The following CORO2B variants were observed in gnomAD, a reference collection of about 807,000 sequenced individuals.
CORO2B encodes coronin-2B.
CORO2B carries 26 observed loss-of-function variants against 58.8 expected under a neutral mutation model. The ratio of observed to expected loss-of-function variants is 0.44; its 90% CI spans 0.32 to 0.61. The LOEUF (loss-of-function observed/expected upper bound fraction) is 0.61. CORO2B is among the 20% of genes least tolerant of loss of function. The pLI, the probability that CORO2B is intolerant of heterozygous loss-of-function variation, is 0.04. For synonymous variants in CORO2B, 242 were observed against 253.8 expected, an observed-to-expected ratio of 0.95 and a Z score of 0.44; for missense variants, 460 against 645.1, an observed-to-expected ratio of 0.71 and a Z score of 3.11.
chr15:68,577,724 CAAAAAA>C (rs11389925), upstream of CORO2B, among the ~76,000 whole-genome samples: 4 of 108,830 alleles, frequency 3.7e-5, no homozygotes, highest in Non-Finnish European at 1.8e-5. Context: ...ACTCCGGTCT[CAAAAAA>C]AAAAAAAAAA....
chr15:68,608,372 C>A (rs1287639217), intron 1 of CORO2B, among the ~76,000 whole-genome samples: 1 of 152,222 alleles, frequency 6.6e-6, no homozygotes, highest in Admixed American at 6.5e-5. Flanking sequence ...CTCCCTCCCC[C>A]ACACTGTGGT....
intron 1 of CORO2B, among the ~76,000 whole-genome samples, chr15:68,607,176 G>A (rs146827174): frequency 6.6e-6 from 1 of 152,250 alleles, no homozygotes; most frequent in African/African-American, 2.4e-5. Flanking sequence ...GTCTCTGCTA[G>A]GAAGACCTAA....
At chr15:68,660,976 C>T (rs1226252658) in intron 2 of CORO2B, among the ~76,000 whole-genome samples, 1 of 147,220 alleles carries the variant, frequency 6.8e-6, no homozygotes, top group Non-Finnish European at 1.5e-5. Context: ...TGTAATGAGT[C>T]TTTTTTTTTT....
the CORO2B span, among the ~76,000 whole-genome samples, chr15:68,533,703 A>T: frequency 1.9e-4 from 29 of 152,376 alleles, no homozygotes; most frequent in African/African-American, 6.7e-4. Flanking sequence ...TTTAAAAATC[A>T]GTGTCTTAAA....
chr15:68,531,334 C>CGAAAAACAA, the CORO2B span, among the ~76,000 whole-genome samples: 1 of 151,128 alleles, frequency 6.6e-6, no homozygotes, highest in Admixed American at 6.6e-5. Context: ...TACAAAAATA[C>CGAAAAACAA]AAAAAACAAA....
the CORO2B span, among the ~76,000 whole-genome samples, chr15:68,569,155 T>G: frequency 6.6e-6 from 1 of 152,094 alleles, no homozygotes; most frequent in Non-Finnish European, 1.5e-5. Flanking sequence ...TCACCCAGAG[T>G]CCAGAGTTTA....
At chr15:68,615,970 G>A (rs1452943886) in intron 1 of CORO2B, among the ~76,000 whole-genome samples, 1 of 152,184 alleles carries the variant, frequency 6.6e-6, no homozygotes, top group Non-Finnish European at 1.5e-5. Context: ...GGTGGAGGAG[G>A]CTGCCGTTTA....
chr15:68,535,089 C>A, the CORO2B span, among the ~76,000 whole-genome samples: 1 of 152,132 alleles, frequency 6.6e-6, no homozygotes, highest in East Asian at 1.9e-4. Flanking sequence ...CACCATATCA[C>A]CACCTTATTT....
upstream of CORO2B, chr15:68,578,875 G>A (rs879689687): frequency 1.1e-5 from 4 of 348,154 alleles, no homozygotes; most frequent in Non-Finnish European, 1.6e-5. The surrounding 1 kb of genome is among the most constrained non-coding windows in gnomAD (Gnocchi z 4.2). Flanking sequence ...CTCGGGGCAC[G>A]GCCGCTGGCG....
chr15:68,655,842 G>A (rs891992506), intron 2 of CORO2B, among the ~76,000 whole-genome samples: 1 of 152,222 alleles, frequency 6.6e-6, no homozygotes, highest in Non-Finnish European at 1.5e-5. Flanking sequence ...ATCTGAGCCT[G>A]TAGCTTTGGA....
chr15:68,562,042 C>T, the CORO2B span, among the ~76,000 whole-genome samples: 4 of 152,138 alleles, frequency 2.6e-5, no homozygotes, highest in Admixed American at 6.5e-5. Flanking sequence ...AAGCTCCTAC[C>T]CAGTGGGTAC....
intron 1 of CORO2B, among the ~76,000 whole-genome samples, chr15:68,596,394 G>A (rs1207344521): frequency 2.6e-5 from 4 of 151,622 alleles, no homozygotes; most frequent in East Asian, 3.9e-4. Flanking sequence ...GGGATCCCCT[G>A]TGGAATGAAG....
chr15:68,531,555 GGAAA>G, the CORO2B span, among the ~76,000 whole-genome samples: 5 of 77,798 alleles, frequency 6.4e-5, no homozygotes, highest in African/African-American at 2.6e-4. Context: ...AAGGAAGGAA[GGAAA>G]GAAAGAGAAA....
chr15:68,578,011 C>A (rs1181682358), upstream of CORO2B, among the ~76,000 whole-genome samples: 3 of 152,216 alleles, frequency 2.0e-5, no homozygotes, highest in Non-Finnish European at 2.9e-5. This position sits in a 1 kb window ranked among gnomAD's most constrained non-coding sequence, Gnocchi z 4.2. Context: ...CCTCTGCTAA[C>A]TCCTCCCCTC....
At chr15:68,562,879 A>T in the CORO2B span, among the ~76,000 whole-genome samples, 1 of 151,646 alleles carries the variant, frequency 6.6e-6, no homozygotes, top group Admixed American at 6.6e-5. Flanking sequence ...CGGGAGGCTG[A>T]GGCAGGAGAA....
At chr15:68,667,404 C>G (rs1363065550) in intron 2 of CORO2B, among the ~76,000 whole-genome samples, 3 of 152,232 alleles carry the variant, frequency 2.0e-5, no homozygotes, top group East Asian at 3.8e-4. Flanking sequence ...TGTTTTCACA[C>G]CTGTTCCTGC....
chr15:68,544,833 A>G, the CORO2B span, among the ~76,000 whole-genome samples: 33 of 149,240 alleles, frequency 2.2e-4, no homozygotes, highest in Non-Finnish European at 3.4e-4. Context: ...CTGGAGTGCG[A>G]CGGCACAATC....
chr15:68,649,454 G>A (rs1439004785), intron 2 of CORO2B, among the ~76,000 whole-genome samples: 2 of 152,054 alleles, frequency 1.3e-5, no homozygotes, highest in Non-Finnish European at 2.9e-5. Context: ...AAGGAAATGG[G>A]GTAAACAAAT....
At position 68,677,882 on chromosome 15, in the gene CORO2B, C is replaced by A. The variant is rs1596007772; in HGVS notation, c.217-17258C>A. Among the ~76,000 whole-genome samples the A allele has an allele frequency of 2.6e-5, 4 of 152,310 alleles. No individual in the cohort carries two copies. In the South Asian group the frequency reaches 8.3e-4, roughly 32 times the overall value. On this transcript the variant is annotated intron_variant, in intron 2 of 11. Coordinates refer to ENST00000261861, the MANE Select transcript of CORO2B (RefSeq NM_006091.5). ...TACTGTGTCAAGAACAGGTCCTGATCCCCTGGTTCAGCCAGCCACAGGCTC... is the reference window on the plus strand; with the variant it reads ...TACTGTGTCAAGAACAGGTCCTGATACCCTGGTTCAGCCAGCCACAGGCTC...
Sources: gnomAD v4.1 joint callset for allele counts (sites outside exome capture counted in the v4.1 genomes callset) on GRCh38, gnomAD v4.1.1 for gene constraint, Gnocchi (gnomAD v3.1) non-coding constraint, MANE v1.5 for transcripts, NCBI Gene and HGNC (gene_info 2026-07-23, HGNC 2026-07-21) for gene names.